WDR26: variants seen among roughly 807,000 people sequenced by gnomAD.
WDR26 encodes the protein WD repeat domain 26.
In WDR26, 5 loss-of-function variants were observed where a neutral mutation model predicts 84.1. The observed-to-expected ratio is 0.06, with a 90% CI of 0.03 to 0.13. The LOEUF (loss-of-function observed/expected upper bound fraction) is 0.13. Among genes scored for constraint, WDR26 ranks in the 10% least tolerant of loss-of-function variants. WDR26 has a pLI of 1.00. For synonymous variants in WDR26, 415 were observed against 389.6 expected (o/e 1.07, Z -0.77); for missense variants, 642 against 974.9 (o/e 0.66, Z 4.55).
At chr1:224,432,159 G>A (rs1021185542) in intron 1 of WDR26, among the ~76,000 whole-genome samples, 2 of 152,158 alleles carry the variant, frequency 1.3e-5, no homozygotes, top group Non-Finnish European at 2.9e-5. Context: ...CTTCACACAA[G>A]GTTAACAGAG....
intron 12 of WDR26, among the ~76,000 whole-genome samples, chr1:224,396,287 C>T (rs1673257763): frequency 6.6e-6 from 1 of 152,014 alleles, no homozygotes; most frequent in Non-Finnish European, 1.5e-5. Context: ...GGTAGCCATA[C>T]ATAATTTTAA....
chr1:224,409,036 A>G (rs909396370), intron 7 of WDR26, among the ~76,000 whole-genome samples: 1 of 152,166 alleles, frequency 6.6e-6, no homozygotes, highest in Non-Finnish European at 1.5e-5. Context: ...AGTACTGGGT[A>G]TATTAGTAAT....
intron 4 of WDR26, among the ~76,000 whole-genome samples, chr1:224,421,405 C>T (rs1299705010): frequency 2.6e-5 from 4 of 151,870 alleles, no homozygotes; most frequent in African/African-American, 7.3e-5. Context: ...GCCAACATGG[C>T]GAAACCCCGT....
In WDR26 at chr1:224,385,161, T is replaced by G. The variant is rs1240569684; in HGVS notation, c.*4674A>C. 3 of 152,248 alleles carry G rather than the reference T, an allele frequency of 2.0e-5. No homozygotes were observed. The highest frequency in any genetic ancestry group is 7.2e-5 in the African/African-American group (3 of 41,464). The allele number at this position is 152,248 out of a possible 1,614,324, so 9.4% of individuals were successfully genotyped here. On this transcript the variant is annotated 3_prime_UTR_variant, in exon 14 of 14. Transcript: ENST00000414423. ...CCAAGAATTATTTAGGTATTCATTC[T>G]GTTTATTGGATTGAAAGAAAGGGAA... is the stretch of plus-strand genomic sequence containing the variant.
chr1:224,407,172 A>ATATATG (rs1491214480), intron 7 of WDR26, among the ~76,000 whole-genome samples: 1 of 111,986 alleles, frequency 8.9e-6, no homozygotes, highest in African/African-American at 3.7e-5. Context: ...ATATATATAT[A>ATATATG]ACTCAAAAAC....
intron 6 of WDR26, among the ~76,000 whole-genome samples, chr1:224,417,563 G>C (rs1192788052): frequency 6.6e-6 from 1 of 152,154 alleles, no homozygotes; most frequent in Non-Finnish European, 1.5e-5. Context: ...AATTAGCCAG[G>C]CATGGTAGTG....
Position 224,389,477 on chromosome 1 carries a change from A to C in WDR26, c.*358T>G. 2.1e-6 allele frequency: 1 copy of C among 473,762 alleles called. No homozygotes were observed. The highest frequency in any genetic ancestry group is 3.7e-6 in the Non-Finnish European group (1 of 273,472). The allele number at this position is 473,762 out of a possible 1,614,324, so 29.3% of individuals were successfully genotyped here. On this transcript the variant is annotated 3_prime_UTR_variant, in exon 14 of 14. Coordinates refer to ENST00000414423, the MANE Select transcript of WDR26 (RefSeq NM_001379403.1). ...AATAAAGTTTTCCAAACAAGCATTT[A>C]AACTTCATTACACAGAAGAGCAACA...
At chr1:224,424,838 C>T in intron 3 of WDR26, 184 bp from the exon 4 acceptor site, 2 of 661,716 alleles carry the variant, frequency 3.0e-6, no homozygotes, top group Non-Finnish European at 2.6e-6. Context: ...TGTGACTTTG[C>T]TCAATTCCAC....
In WDR26 at chr1:224,434,770, T is replaced by C. The variant is rs1674565488; in HGVS notation, c.-365A>G. 4.1e-6 allele frequency: 4 copies of C among 986,204 alleles called. No homozygotes were observed. Among genetic ancestry groups the C allele is most frequent in the South Asian group, 9.1e-5 (2 of 22,052 alleles). 61.1% of individuals were successfully genotyped at this position (986,204 alleles called of 1,614,324 possible). On this transcript the variant is annotated 5_prime_UTR_variant, in exon 1 of 14. Coordinates refer to ENST00000414423, the MANE Select transcript of WDR26 (RefSeq NM_001379403.1). ...CCGCTCCGCTCTGCTCCCTGGTGTG[T>C]TGATTCTTCCCCCAGCTGCTGCCTA...
Position 224,394,024 on chromosome 1 carries a change from A to G in WDR26, c.2075-11T>C. The G allele has an allele frequency of 1.4e-6, 2 of 1,436,494 alleles. No homozygotes were observed. The highest frequency in any genetic ancestry group is 1.4e-5 in the African/African-American group (1 of 71,072). 89.0% of individuals were successfully genotyped at this position (1,436,494 alleles called of 1,614,324 possible). A position where few individuals can be genotyped will look rare whatever the true frequency, so the allele number is the denominator to read the frequency against. On this transcript the variant is annotated splice_polypyrimidine_tract_variant and intron_variant, in intron 12 of 13. Transcript: ENST00000414423. ...TGTAAACCTTGTGATCTGAACATAT[A>G]GTAATTCAGAAAAAAGTTTTACATT...
chr1:224,397,820 C>T (rs564288827), intron 12 of WDR26: 3 of 350,526 alleles, frequency 8.6e-6, no homozygotes, highest in Admixed American at 5.1e-5. Context: ...CACACTGCTA[C>T]GTGGTCAGAA....
chr1:224,418,358 C>T lies in WDR26; in HGVS notation c.1221G>A (p.Gln407=), dbSNP rs543649206. 1 of 1,613,760 alleles carries T rather than the reference C, an allele frequency of 6.2e-7. No individual in the cohort carries two copies. The highest frequency in any genetic ancestry group is 1.3e-5 in the African/African-American group (1 of 75,024). Reference sequence around the variant, plus strand: ...ACCGATCCCTTTGTAGTTCCACCGCCTGCCGCAGGAGAGTCTGTAAACGCC... The same window carrying T: ...ACCGATCCCTTTGTAGTTCCACCGCTTGCCGCAGGAGAGTCTGTAAACGCC... Residue 407 remains glutamine (Q), a synonymous_variant, in exon 6 of 14, where the codon CAG becomes CAA. Transcript: ENST00000414423.
At chr1:224,399,262 C>T (rs1408814826) in intron 9 of WDR26, among the ~76,000 whole-genome samples, 2 of 152,024 alleles carry the variant, frequency 1.3e-5, no homozygotes, top group African/African-American at 4.8e-5. Context: ...CACTTTGTAG[C>T]TCTATCTTCC....
At chr1:224,433,600 T>TA in intron 1 of WDR26, 84 bp downstream of exon 1, 7 of 287,052 alleles carry the variant, frequency 2.4e-5, no homozygotes, top group Non-Finnish European at 3.2e-5. Flanking sequence ...CAAGCCCCCC[T>TA]CCCCCCTCCG....
At chr1:224,430,866 T>G (rs1046179753) in intron 3 of WDR26, 2 of 152,278 alleles carry the variant, frequency 1.3e-5, no homozygotes, top group African/African-American at 4.8e-5. Context: ...GCTAACAGGT[T>G]AAACTACTAA....
chr1:224,427,863 G>T (rs1404530943), intron 3 of WDR26, among the ~76,000 whole-genome samples: 3 of 152,096 alleles, frequency 2.0e-5, no homozygotes, highest in African/African-American at 7.2e-5. Context: ...AATATTTACT[G>T]AAAACATTGT....
chr1:224,433,538 T>C, intron 1 of WDR26, 146 bp downstream of exon 1: 1 of 1,122,204 alleles, frequency 8.9e-7, no homozygotes, highest in Non-Finnish European at 1.2e-6. Context: ...CGCGTCCTCC[T>C]GTGTACTGGG....
chr1:224,400,857 C>G (rs768775175), intron 9 of WDR26, 93 bp downstream of exon 9: 1 of 1,526,238 alleles, frequency 6.6e-7, no homozygotes, highest in Non-Finnish European at 8.8e-7. Flanking sequence ...ACAGAGTATA[C>G]TTTGTAAGAT....
intron 3 of WDR26, chr1:224,429,296 AAAAC>A (rs1674319304): frequency 1.3e-5 from 2 of 152,404 alleles, no homozygotes; most frequent in Non-Finnish European, 2.9e-5. Context: ...ACAGACAAAA[AAAAC>A]AAAGGGAGTA....
Sources: allele counts gnomAD v4.1 joint callset (sites outside exome capture counted in the v4.1 genomes callset), GRCh38; gene constraint gnomAD v4.1.1; transcripts MANE v1.5; gene names NCBI Gene and HGNC (gene_info 2026-07-23, HGNC 2026-07-21).